GRM7: variants seen among roughly 807,000 people sequenced by gnomAD.
GRM7 encodes glutamate metabotropic receptor 7, also known as metabotropic glutamate receptor 7.
In GRM7, 35 loss-of-function variants were observed where a neutral mutation model predicts 84.5. The ratio of observed to expected loss-of-function variants is 0.41; its 90% CI spans 0.32 to 0.55. The LOEUF is 0.55. Among genes scored for constraint, GRM7 ranks in the 20% least tolerant of loss-of-function variants. The pLI, the probability that GRM7 is intolerant of heterozygous loss-of-function variation, is 0.19. For missense variants in GRM7, 1,003 were observed against 1,194.6 expected (o/e 0.84, Z 2.36); for synonymous variants, 487 against 455.1 (o/e 1.07, Z -0.89).
intron 8 of GRM7, among the ~76,000 whole-genome samples, chr3:7,641,275 A>G (rs1698354482): frequency 6.6e-6 from 1 of 152,206 alleles, no homozygotes; most frequent in Middle Eastern, 3.2e-3. Flanking sequence ...TTTTGAGACC[A>G]ATTATCTGCT....
intron 8 of GRM7, among the ~76,000 whole-genome samples, chr3:7,644,984 A>G (rs1698553137): frequency 1.3e-5 from 2 of 152,060 alleles, no homozygotes; most frequent in Non-Finnish European, 1.5e-5. Flanking sequence ...TTCATTGACC[A>G]GGAACATCTT....
At chr3:7,656,199 G>T (rs1575599226) in intron 8 of GRM7, among the ~76,000 whole-genome samples, 1 of 152,144 alleles carries the variant, frequency 6.6e-6, no homozygotes, top group Admixed American at 6.5e-5. Context: ...GGTTAAATGT[G>T]CATTTCCTGG....
intron 8 of GRM7, among the ~76,000 whole-genome samples, chr3:7,630,887 A>C (rs925464397): frequency 2.6e-5 from 4 of 152,214 alleles, no homozygotes; most frequent in Non-Finnish European, 5.9e-5. Flanking sequence ...ATTGCTGTTA[A>C]GTGTTAAGCC....
intron 6 of GRM7, among the ~76,000 whole-genome samples, chr3:7,459,193 C>T (rs551269485): frequency 6.6e-6 from 1 of 152,262 alleles, no homozygotes; most frequent in East Asian, 1.9e-4. Context: ...CAGCTGTTGA[C>T]TCAAATTGGT....
chr3:6,866,804 C>T (rs567595355), intron 1 of GRM7, among the ~76,000 whole-genome samples: 15 of 152,298 alleles, frequency 9.8e-5, no homozygotes, highest in East Asian at 1.9e-4. Context: ...GGATGAGGTA[C>T]GTGGCCAGGT....
At chr3:6,975,160 T>C (rs1693940886) in intron 1 of GRM7, among the ~76,000 whole-genome samples, 1 of 152,152 alleles carries the variant, frequency 6.6e-6, no homozygotes, top group Admixed American at 6.6e-5. Context: ...TGGGAAAATA[T>C]GTGGAGAATC....
chr3:7,629,711 C>T (rs994244575), intron 8 of GRM7, among the ~76,000 whole-genome samples: 1 of 152,126 alleles, frequency 6.6e-6, no homozygotes, highest in South Asian at 2.1e-4. Flanking sequence ...CAGAGCTTGC[C>T]GTCTAAAACC....
chr3:7,629,744 G>A (rs1001553615), intron 8 of GRM7, among the ~76,000 whole-genome samples: 3 of 152,106 alleles, frequency 2.0e-5, no homozygotes, highest in Admixed American at 1.3e-4. Flanking sequence ...TTAAAAGCAA[G>A]CACAATTCTG....
At chr3:7,459,029 C>T (rs886111513) in intron 6 of GRM7, among the ~76,000 whole-genome samples, 2 of 152,030 alleles carry the variant, frequency 1.3e-5, no homozygotes, top group East Asian at 1.9e-4. Flanking sequence ...TATTTTCTTC[C>T]TATACTGGAA....
intron 1 of GRM7, among the ~76,000 whole-genome samples, chr3:7,049,567 C>A (rs144577952): frequency 1.2e-3 from 178 of 151,904 alleles, no homozygotes; most frequent in Non-Finnish European, 2.0e-3. Context: ...ATATCACATG[C>A]AGTATATATA....
chr3:7,344,195 A>G (rs2125083086), intron 4 of GRM7, among the ~76,000 whole-genome samples: 1 of 152,094 alleles, frequency 6.6e-6, no homozygotes, highest in East Asian at 1.9e-4. Flanking sequence ...TCACCAGGGT[A>G]CTAAGCCTAG....
At chr3:7,212,980 G>A (rs150426293) in intron 2 of GRM7, among the ~76,000 whole-genome samples, 173 of 152,268 alleles carry the variant, frequency 1.1e-3, no homozygotes, top group South Asian at 4.4e-3. Flanking sequence ...ACTGCATGTT[G>A]TTTTGGTCTT....
At chr3:7,033,407 C>A (rs1272965061) in intron 1 of GRM7, among the ~76,000 whole-genome samples, 1 of 151,968 alleles carries the variant, frequency 6.6e-6, no homozygotes, top group Admixed American at 6.6e-5. Flanking sequence ...TATGAAGAAC[C>A]TAAAATCAAG....
intron 4 of GRM7, among the ~76,000 whole-genome samples, chr3:7,331,180 G>T (rs1183031440): frequency 6.6e-6 from 1 of 152,132 alleles, no homozygotes; most frequent in African/African-American, 2.4e-5. Flanking sequence ...AATAAAGGCT[G>T]GCACACATTA....
chr3:7,292,901 G>T (rs1699683937), intron 2 of GRM7, among the ~76,000 whole-genome samples: 1 of 151,646 alleles, frequency 6.6e-6, no homozygotes, highest in African/African-American at 2.4e-5. Context: ...GGGCGTGGTG[G>T]TGTGTGCCTG....
intron 6 of GRM7, among the ~76,000 whole-genome samples, chr3:7,454,100 TC>T: frequency 1.3e-5 from 1 of 79,906 alleles, no homozygotes; most frequent in Non-Finnish European, 3.8e-5. Context: ...ACTCTCTCTC[TC>T]TCTCTCTCTC....
At position 7,504,960 on chromosome 3, in the gene GRM7, A is replaced by G. The variant is rs76721519; in HGVS notation, c.1515+43238A>G. ...TCAGATATGAGTGACTCAAGGTATG[A>G]TTCATCCCATGGCAAATTTCCTCCA... On this transcript the variant is annotated intron_variant, in intron 7 of 9. Coordinates refer to ENST00000357716, the MANE Select transcript of GRM7 (RefSeq NM_000844.4). 1.7e-4 allele frequency among the ~76,000 whole-genome samples: 26 copies of G among 152,312 alleles called. No individual in the cohort carries two copies. In the East Asian group the frequency reaches 4.2e-3, roughly 25 times the overall value.
At chr3:7,029,154 A>C (rs2124924173) in intron 1 of GRM7, among the ~76,000 whole-genome samples, 1 of 152,254 alleles carries the variant, frequency 6.6e-6, no homozygotes, top group African/African-American at 2.4e-5. Flanking sequence ...AAATACAAAA[A>C]TTAGTTTGGT....
At chr3:7,308,992 G>T (rs1700295869) in intron 4 of GRM7, among the ~76,000 whole-genome samples, 1 of 152,278 alleles carries the variant, frequency 6.6e-6, no homozygotes, top group East Asian at 1.9e-4. Flanking sequence ...AGATTCCAAA[G>T]AATGAAATTG....
Sources: allele counts gnomAD v4.1 joint callset (sites outside exome capture counted in the v4.1 genomes callset), GRCh38; gene constraint gnomAD v4.1.1; transcripts MANE v1.5; gene names NCBI Gene and HGNC (gene_info 2026-07-23, HGNC 2026-07-21).